The following FAH variants were observed in gnomAD, a reference collection of about 807,000 sequenced individuals.
FAH encodes the protein fumarylacetoacetate hydrolase.
FAH carries 47 observed loss-of-function variants against 55.8 expected under a neutral mutation model. The observed-to-expected ratio is 0.84, with a 90% CI of 0.67 to 1.07. The LOEUF (loss-of-function observed/expected upper bound fraction) is 1.07, where lower values mean the gene tolerates loss of function less well. Ranked by LOEUF, FAH falls within the 50% of genes least tolerant of loss-of-function variation. The pLI, the probability that FAH is intolerant of heterozygous loss-of-function variation, is 0.00. For missense variants in FAH, 495 were observed against 545.9 expected (o/e 0.91, Z 0.93); for synonymous variants, 199 against 207.7 (o/e 0.96, Z 0.36).
rs145634716 is a variant in FAH, at chr15:80,178,883, C to T, written c.961-1241C>T. 1.6e-3 allele frequency among the ~76,000 whole-genome samples: 237 copies of T among 152,302 alleles called. 1 individual carries two copies. Among genetic ancestry groups the T allele is most frequent in the African/African-American group, 4.8e-3 (201 of 41,568 alleles). ...GATTACAGGCATGAGCCACTGCGCC[C>T]GGCCAACTGACTTATTTTGTAAGTC... On this transcript the variant is annotated intron_variant, in intron 11 of 13. Transcript: ENST00000561421.
At chr15:80,173,317 C>T in intron 9 of FAH, 173 bp downstream of exon 9, 1 of 804,266 alleles carries the variant, frequency 1.2e-6, no homozygotes. Flanking sequence ...TTCCAGGCAG[C>T]CAGGGCATCA....
intron 10 of FAH, 46 bp from the exon 11 acceptor site, chr15:80,177,491 A>T (rs754506673): frequency 1.3e-6 from 2 of 1,517,290 alleles, no homozygotes; most frequent in Non-Finnish European, 1.8e-6. Context: ...TTCCTCCCTG[A>T]TGCATGGAAT....
chr15:80,180,199 C>T lies in FAH; in HGVS notation c.1036C>T (p.Leu346=). 8 of 1,608,706 alleles carry T rather than the reference C, an allele frequency of 5.0e-6. No individual in the cohort carries two copies. The highest frequency in any genetic ancestry group is 6.8e-6 in the Non-Finnish European group (8 of 1,179,968). The change falls in exon 12 of 14, where the codon CTG becomes TTG. Residue 346 remains leucine (L), a synonymous_variant. Coordinates refer to ENST00000561421, the MANE Select transcript of FAH (RefSeq NM_000137.4). Reference sequence around the variant, plus strand: ...CTGCAACCTGCGGCCGGGGGACCTCCTGGCTTCTGGGACCATCAGCGGGCC... The same window carrying T: ...CTGCAACCTGCGGCCGGGGGACCTCTTGGCTTCTGGGACCATCAGCGGGCC... ...NGCNLRPGDL[L]ASGTISGPEP...
chr15:80,169,316 G>A (rs1404626990), intron 7 of FAH, among the ~76,000 whole-genome samples: 2 of 151,972 alleles, frequency 1.3e-5, no homozygotes, highest in African/African-American at 4.8e-5. Flanking sequence ...TGAGGAGGCG[G>A]AGGTTGCAGT....
Position 80,181,319 on chromosome 15 carries a change from T to C in FAH, c.1180+160T>C, listed in dbSNP as rs568863910. On this transcript the variant is annotated intron_variant, in intron 13 of 13. Transcript: ENST00000561421. ...TGCTTGTTCTGTCCTTCCCCACAGC[T>C]ATGGCTACCCGGGACTTCAAGTGTG... Among the ~76,000 whole-genome samples the C allele has an allele frequency of 2.0e-5, 3 of 152,298 alleles. No individual in the cohort carries two copies. The East Asian group carries it at 5.8e-4, about 29-fold the overall frequency.
chr15:80,186,275 T>C lies in FAH; in HGVS notation c.*66T>C. 3 of 1,333,946 alleles carry C rather than the reference T, an allele frequency of 2.2e-6. No individual in the cohort carries two copies. Among genetic ancestry groups the C allele is most frequent in the Non-Finnish European group, 3.2e-6 (3 of 924,752 alleles). 82.6% of individuals were successfully genotyped at this position (1,333,946 alleles called of 1,614,324 possible). The stretch of plus-strand genomic sequence containing the variant: ...CCTTTCAACCCTGTGACTGGGGTCC[T>C]CCCTCGGGCTGTAGGCCTGGTCCGC... On this transcript the variant is annotated 3_prime_UTR_variant, in exon 14 of 14. Coordinates refer to ENST00000561421, the MANE Select transcript of FAH (RefSeq NM_000137.4).
intron 9 of FAH, among the ~76,000 whole-genome samples, chr15:80,174,739 T>G (rs192817006): frequency 2.1e-4 from 32 of 152,258 alleles, no homozygotes; most frequent in African/African-American, 7.7e-4. Context: ...TTCTCTCCCC[T>G]CCTGTGGCTT....
rs564322497 is a variant in FAH at position 80,182,227 on chromosome 15, G to A, written c.1180+1068G>A. Among the ~76,000 whole-genome samples, 5 of 152,192 alleles carry A rather than the reference G, an allele frequency of 3.3e-5. No individual in the cohort carries two copies. The South Asian group carries it at 1.0e-3, about 32-fold the overall frequency. ...TCTCTCTTATAACACACATGTGATAGCATTTAGAGCCCACCTAGACAATCT... is the reference window on the plus strand; with the variant it reads ...TCTCTCTTATAACACACATGTGATAACATTTAGAGCCCACCTAGACAATCT... On this transcript the variant is annotated intron_variant, in intron 13 of 13. Coordinates refer to ENST00000561421, the MANE Select transcript of FAH (RefSeq NM_000137.4).
chr15:80,186,810 G>C (rs1256476828), downstream of FAH: 1 of 163,272 alleles, frequency 6.1e-6, no homozygotes, highest in East Asian at 1.7e-4. Flanking sequence ...ACACTGTGGG[G>C]GTCTTCTGCT....
intron 8 of FAH, 34 bp from the exon 9 acceptor site, chr15:80,172,980 C>G: frequency 8.7e-6 from 14 of 1,614,176 alleles, no homozygotes; most frequent in Non-Finnish European, 1.2e-5. Flanking sequence ...CCTGATCAGC[C>G]TTTGTAAGTC....
intron 12 of FAH, 110 bp from the exon 13 acceptor site, chr15:80,180,932 A>G: frequency 1.2e-6 from 1 of 835,914 alleles, no homozygotes; most frequent in Non-Finnish European, 2.0e-6. Flanking sequence ...TCTGAGGGGC[A>G]TGAGGGCCCC....
chr15:80,183,739 A>G (rs572137654), intron 13 of FAH, among the ~76,000 whole-genome samples: 2 of 152,372 alleles, frequency 1.3e-5, no homozygotes, highest in Admixed American at 1.3e-4. Flanking sequence ...TGCAGGCCAG[A>G]CACTGTGCCA....
rs752499303 is a variant in FAH, at chr15:80,186,220, G to A, written c.*11G>A. 1 of 1,611,772 alleles carries A rather than the reference G, an allele frequency of 6.2e-7. No individual in the cohort carries two copies. Among genetic ancestry groups the A allele is most frequent in the South Asian group, 1.1e-5 (1 of 90,998 alleles). ...CTCCTGCCATCATGAGATTTTCTCT[G>A]CTCTTCTGGAAACAAAGGGCTCAAG... On this transcript the variant is annotated 3_prime_UTR_variant, in exon 14 of 14. Transcript: ENST00000561421.
rs1555441703 is a variant in FAH at position 80,173,141 on chromosome 15, GC to G, written c.835del (p.Gln279ArgfsTer25). On this transcript the variant is annotated frameshift_variant and splice_region_variant, in exon 9 of 14. Transcript: ENST00000561421. LOFTEE classifies it high-confidence loss of function. ...TGCCCTTTGCTGTGCCCAACCCGAA[GC>G]AGGTAAGCACATTCTCTGCAGGAAG... ...LMPFAVPNPK[Q>X]DPRPLPYLCH... The G allele has an allele frequency of 6.2e-7, 1 of 1,614,226 alleles. No homozygotes were observed. Among genetic ancestry groups the G allele is most frequent in the Non-Finnish European group, 8.5e-7 (1 of 1,180,044 alleles).
At chr15:80,173,180 GC>G (rs1228060923) in intron 9 of FAH, 36 bp downstream of exon 9, 1 of 1,614,056 alleles carries the variant, frequency 6.2e-7, no homozygotes, top group East Asian at 2.2e-5. Context: ...CCCAAACCCA[GC>G]CCTGCTGCCT....
At chr15:80,169,714 T>C (rs1456492187) in intron 7 of FAH, among the ~76,000 whole-genome samples, 3 of 152,056 alleles carry the variant, frequency 2.0e-5, no homozygotes, top group Non-Finnish European at 4.4e-5. Flanking sequence ...TTTGTATTTT[T>C]AGTAGAGACA....
intron 9 of FAH, 153 bp downstream of exon 9, chr15:80,173,297 C>CACT: frequency 1.0e-6 from 1 of 978,512 alleles, no homozygotes; most frequent in Non-Finnish European, 1.6e-6. Flanking sequence ...GAGTTCCTGG[C>CACT]CACGATTACT....
At chr15:80,177,669 C>G in intron 11 of FAH, 86 bp downstream of exon 11, 4 of 1,275,464 alleles carry the variant, frequency 3.1e-6, no homozygotes, top group Non-Finnish European at 4.6e-6. Flanking sequence ...GGAGAGCATT[C>G]CTTTTGGGAT....
intron 5 of FAH, chr15:80,165,937 C>T (rs1325137908): frequency 1.3e-5 from 2 of 151,836 alleles, no homozygotes; most frequent in African/African-American, 4.8e-5. Context: ...ATAAATATTA[C>T]AAAATAATTT....
Sources: gnomAD v4.1 joint callset for allele counts (sites outside exome capture counted in the v4.1 genomes callset) on GRCh38, gnomAD v4.1.1 for gene constraint, MANE v1.5 for transcripts, NCBI Gene and HGNC (gene_info 2026-07-23, HGNC 2026-07-21) for gene names.